The following AGBL4 variants were observed in gnomAD, a reference collection of about 807,000 sequenced individuals.
AGBL4 encodes cytosolic carboxypeptidase 6.
In AGBL4, 58 loss-of-function variants were observed where a neutral mutation model predicts 66.4. That is an observed-to-expected ratio of 0.87 (90% CI 0.71 to 1.09). AGBL4 has a LOEUF of 1.09. AGBL4 is among the 50% of genes least tolerant of loss of function. The pLI, the probability that AGBL4 is intolerant of heterozygous loss-of-function variation, is 0.00. For synonymous variants in AGBL4, 234 were observed against 222.9 expected, an observed-to-expected ratio of 1.05 and a Z score of -0.44; for missense variants, 579 against 631.0, an observed-to-expected ratio of 0.92 and a Z score of 0.88.
At chr1:48,901,320 A>ATATTATATGTAAAC (rs1290504641) in intron 5 of AGBL4, among the ~76,000 whole-genome samples, 3 of 152,236 alleles carry the variant, frequency 2.0e-5, no homozygotes, top group Admixed American at 1.3e-4. Context: ...ATATCTTAAA[A>ATATTATATGTAAAC]TATTATATGT....
intron 4 of AGBL4, among the ~76,000 whole-genome samples, chr1:49,137,077 C>T (rs1028102852): frequency 2.6e-5 from 4 of 152,114 alleles, no homozygotes; most frequent in African/African-American, 9.7e-5. Flanking sequence ...TACTGAGTAA[C>T]TTGATATGTA....
intron 3 of AGBL4, among the ~76,000 whole-genome samples, chr1:49,570,306 A>G (rs545226172): frequency 1.3e-5 from 2 of 152,158 alleles, no homozygotes; most frequent in South Asian, 4.1e-4. Context: ...TGTGGTTTTA[A>G]TTTGCATTTT....
At chr1:49,962,946 C>T (rs2148346803) in intron 1 of AGBL4, among the ~76,000 whole-genome samples, 1 of 152,192 alleles carries the variant, frequency 6.6e-6, no homozygotes, top group East Asian at 1.9e-4. Flanking sequence ...ACCCAGACTT[C>T]CTGATTGTCC....
intron 1 of AGBL4, among the ~76,000 whole-genome samples, chr1:49,909,949 G>C (rs1256509369): frequency 6.6e-6 from 1 of 152,118 alleles, no homozygotes; most frequent in East Asian, 1.9e-4. Flanking sequence ...TATATGTTTG[G>C]GAAGCCTATT....
chr1:48,896,928 G>A (rs1651576163), intron 5 of AGBL4, among the ~76,000 whole-genome samples: 1 of 152,124 alleles, frequency 6.6e-6, no homozygotes, highest in Non-Finnish European at 1.5e-5. Flanking sequence ...GGGTTTCACA[G>A]GCTAAGTGCA....
chr1:49,866,956 C>T (rs1646716598), intron 1 of AGBL4, among the ~76,000 whole-genome samples: 1 of 152,104 alleles, frequency 6.6e-6, no homozygotes, highest in African/African-American at 2.4e-5. Flanking sequence ...AGCCTGAGGA[C>T]ATTTTAATCT....
At chr1:49,798,662 GCTTT>G (rs1644787501) in intron 2 of AGBL4, among the ~76,000 whole-genome samples, 1 of 151,966 alleles carries the variant, frequency 6.6e-6, no homozygotes, top group South Asian at 2.1e-4. Context: ...AGTTCTTATT[GCTTT>G]CTTTATGTGG....
intron 3 of AGBL4, among the ~76,000 whole-genome samples, chr1:49,283,628 T>A (rs1644333392): frequency 6.6e-6 from 1 of 151,506 alleles, no homozygotes; most frequent in Non-Finnish European, 1.5e-5. Flanking sequence ...TGAAAAAAAT[T>A]TAGAAGAATG....
rs936818497 is a variant in AGBL4 at position 49,070,047 on chromosome 1, G to A, written c.378-24247C>T. On this transcript the variant is annotated intron_variant, in intron 4 of 13. Coordinates refer to ENST00000371839, the MANE Select transcript of AGBL4 (RefSeq NM_032785.4). ...GGCTCTCTGTTTGTCTGTTATTGGT[G>A]TATAAGAATGCTTGTGATTTTTGCA... Among the ~76,000 whole-genome samples, 34 of 151,906 alleles carry A rather than the reference G, an allele frequency of 2.2e-4. 4 individuals carry two copies. Among genetic ancestry groups the A allele is most frequent in the African/African-American group, 7.5e-4 (31 of 41,202 alleles).
intron 3 of AGBL4, among the ~76,000 whole-genome samples, chr1:49,514,124 G>T (rs940257163): frequency 4.0e-5 from 6 of 151,818 alleles, no homozygotes; most frequent in Non-Finnish European, 8.8e-5. Flanking sequence ...TTTGGGCTGA[G>T]ACAATGGGGT....
intron 3 of AGBL4, among the ~76,000 whole-genome samples, chr1:49,347,679 G>A (rs1388295825): frequency 6.6e-6 from 1 of 151,650 alleles, no homozygotes; most frequent in Non-Finnish European, 1.5e-5. Flanking sequence ...CCAACATGGT[G>A]AAGCCCTGTC....
At chr1:48,986,465 C>G (rs1571164751) in intron 5 of AGBL4, among the ~76,000 whole-genome samples, 1 of 151,692 alleles carries the variant, frequency 6.6e-6, no homozygotes, top group Non-Finnish European at 1.5e-5. Context: ...AAGATGAAAA[C>G]AGACTTCTCT....
At chr1:49,806,176 A>G (rs758781531) in intron 2 of AGBL4, among the ~76,000 whole-genome samples, 4 of 152,294 alleles carry the variant, frequency 2.6e-5, no homozygotes, top group Non-Finnish European at 5.9e-5. Context: ...AGAAAGCCTC[A>G]ATCTTCTCAG....
At chr1:49,412,747 G>T (rs1044334787) in intron 3 of AGBL4, among the ~76,000 whole-genome samples, 1 of 152,136 alleles carries the variant, frequency 6.6e-6, no homozygotes, top group Non-Finnish European at 1.5e-5. Flanking sequence ...GATAATAGTT[G>T]AAGTTTATAT....
At chr1:48,969,121 C>T (rs905200972) in intron 5 of AGBL4, among the ~76,000 whole-genome samples, 1 of 137,248 alleles carries the variant, frequency 7.3e-6, no homozygotes, top group Non-Finnish European at 1.6e-5. Flanking sequence ...TCTTTTCTTC[C>T]AGCATTTTCT....
intron 5 of AGBL4, among the ~76,000 whole-genome samples, chr1:48,952,378 A>G (rs1227971965): frequency 6.6e-6 from 1 of 152,234 alleles, no homozygotes; most frequent in East Asian, 1.9e-4. Flanking sequence ...GCAAGATAAT[A>G]TCAGATAATA....
At chr1:48,524,877 T>C in the AGBL4 span, among the ~76,000 whole-genome samples, 14 of 151,890 alleles carry the variant, frequency 9.2e-5, no homozygotes, top group Admixed American at 6.6e-4. Context: ...TTTTGCCCTA[T>C]GGATACTATT....
chr1:49,970,708 A>AACACACACACAC (rs373722460), intron 1 of AGBL4, among the ~76,000 whole-genome samples: 22 of 114,014 alleles, frequency 1.9e-4, no homozygotes, highest in East Asian at 8.3e-4. Context: ...AAAAAAACAA[A>AACACACACACAC]ACACACACAC....
At chr1:49,203,753 G>A (rs528228391) in intron 4 of AGBL4, among the ~76,000 whole-genome samples, 2 of 152,232 alleles carry the variant, frequency 1.3e-5, no homozygotes, top group South Asian at 2.1e-4. Flanking sequence ...GAGGTGAGCC[G>A]AGATTGTGCC....
Sources: allele counts gnomAD v4.1 joint callset (sites outside exome capture counted in the v4.1 genomes callset), GRCh38; gene constraint gnomAD v4.1.1; transcripts MANE v1.5; gene names NCBI Gene and HGNC (gene_info 2026-07-23, HGNC 2026-07-21).